CFAP299: variants seen among roughly 807,000 people sequenced by gnomAD.
CFAP299 encodes the protein cilia and flagella associated protein 299.
CFAP299 carries 21 observed loss-of-function variants against 27.0 expected under a neutral mutation model. The ratio of observed to expected loss-of-function variants is 0.78; its 90% CI spans 0.55 to 1.12. The LOEUF (loss-of-function observed/expected upper bound fraction) is 1.12, where lower values mean the gene tolerates loss of function less well. Ranked by LOEUF, CFAP299 falls within the 50% of genes most tolerant of loss-of-function variation. The pLI, the probability that CFAP299 is intolerant of heterozygous loss-of-function variation, is 0.00. For missense variants in CFAP299, 310 were observed against 276.6 expected, an observed-to-expected ratio of 1.12 and a Z score of -0.86; for synonymous variants, 104 against 98.1, an observed-to-expected ratio of 1.06 and a Z score of -0.36.
intron 1 of CFAP299, among the ~76,000 whole-genome samples, chr4:80,337,048 C>A (rs1178493694): frequency 6.6e-6 from 1 of 152,116 alleles, no homozygotes; most frequent in Non-Finnish European, 1.5e-5. Context: ...CAATATAGCT[C>A]CTGGCTTCAA....
At chr4:80,385,224 T>A (rs1200250134) in intron 2 of CFAP299, among the ~76,000 whole-genome samples, 1 of 152,166 alleles carries the variant, frequency 6.6e-6, no homozygotes, top group African/African-American at 2.4e-5. Flanking sequence ...CTTTACACCT[T>A]CACCAATGTC....
At chr4:80,691,935 C>G (rs1273597367) in intron 3 of CFAP299, among the ~76,000 whole-genome samples, 1 of 152,084 alleles carries the variant, frequency 6.6e-6, no homozygotes, top group East Asian at 1.9e-4. Flanking sequence ...GAGTGAACTT[C>G]CATTCACAAT....
intron 3 of CFAP299, among the ~76,000 whole-genome samples, chr4:80,633,387 C>T (rs780932231): frequency 1.3e-5 from 2 of 151,936 alleles, no homozygotes; most frequent in East Asian, 3.9e-4. Context: ...TGGAGTGAGC[C>T]GAGTGTCACG....
intron 3 of CFAP299, among the ~76,000 whole-genome samples, chr4:80,763,459 A>G (rs1725655838): frequency 6.6e-6 from 1 of 152,192 alleles, no homozygotes; most frequent in South Asian, 2.1e-4. Context: ...AAGAGAGGAC[A>G]TAAACAAATG....
At chr4:80,745,006 T>A (rs553877524) in intron 3 of CFAP299, among the ~76,000 whole-genome samples, 48 of 152,202 alleles carry the variant, frequency 3.2e-4, no homozygotes, top group South Asian at 1.7e-3. Flanking sequence ...CAAAAAAAAA[T>A]TTCTAATCTA....
intron 3 of CFAP299, among the ~76,000 whole-genome samples, chr4:80,734,110 C>T (rs921441671): frequency 5.3e-5 from 8 of 152,094 alleles, no homozygotes; most frequent in Non-Finnish European, 7.4e-5. Context: ...TCCTTTTCTC[C>T]ACATCCTCAC....
intron 2 of CFAP299, among the ~76,000 whole-genome samples, chr4:80,462,593 T>A (rs934944523): frequency 5.3e-5 from 8 of 152,136 alleles, no homozygotes; most frequent in African/African-American, 1.9e-4. Context: ...TCTATTTGCC[T>A]ATTAATTGCT....
At chr4:80,780,424 T>C (rs911179746) in intron 3 of CFAP299, among the ~76,000 whole-genome samples, 1 of 152,146 alleles carries the variant, frequency 6.6e-6, no homozygotes, top group African/African-American at 2.4e-5. Flanking sequence ...TGTATTCCCA[T>C]AGCAATTAGC....
chr4:80,667,175 G>T (rs190026696), intron 3 of CFAP299, among the ~76,000 whole-genome samples: 2 of 151,898 alleles, frequency 1.3e-5, no homozygotes, highest in East Asian at 3.9e-4. Flanking sequence ...TGAATTATTT[G>T]TTTTTTTATG....
chr4:80,516,552 A>G (rs1732597602), intron 2 of CFAP299, among the ~76,000 whole-genome samples: 1 of 152,028 alleles, frequency 6.6e-6, no homozygotes, highest in Admixed American at 6.6e-5. Context: ...TCTTTCAAAC[A>G]ACATATCTCA....
intron 3 of CFAP299, among the ~76,000 whole-genome samples, chr4:80,815,829 G>T (rs902909764): frequency 2.6e-5 from 4 of 151,888 alleles, no homozygotes; most frequent in African/African-American, 9.7e-5. Flanking sequence ...TAAGTAAAGG[G>T]CTAGAAATAG....
At chr4:80,417,749 A>G (rs1727085820) in intron 2 of CFAP299, among the ~76,000 whole-genome samples, 2 of 152,080 alleles carry the variant, frequency 1.3e-5, no homozygotes, top group African/African-American at 4.8e-5. Context: ...CCACTATTCT[A>G]TGGCTTCCAC....
At chr4:80,472,314 T>C (rs1281130357) in intron 2 of CFAP299, among the ~76,000 whole-genome samples, 2 of 152,186 alleles carry the variant, frequency 1.3e-5, no homozygotes, top group African/African-American at 4.8e-5. Context: ...CAGGTACATA[T>C]ATTAGAGTGA....
chr4:80,654,784 C>CTTT (rs369680550), intron 3 of CFAP299, among the ~76,000 whole-genome samples: 5,121 of 126,706 alleles, frequency 0.04, 216 homozygotes, highest in East Asian at 0.21. Context: ...TAATTTTTAA[C>CTTT]TTTTTTTTTT....
chr4:80,669,980 GA>G (rs111592229), intron 3 of CFAP299, among the ~76,000 whole-genome samples: 1 of 151,246 alleles, frequency 6.6e-6, no homozygotes, highest in African/African-American at 2.4e-5. Context: ...GAATTTTATG[GA>G]ATTTTTTTTC....
chr4:80,388,363 A>C, intron 2 of CFAP299: 1 of 681,064 alleles, frequency 1.5e-6, no homozygotes, highest in South Asian at 1.6e-5. Context: ...TGATGTATGT[A>C]GAGATCTGGC....
At chr4:80,903,584 T>C (rs558320009) in intron 4 of CFAP299, among the ~76,000 whole-genome samples, 2 of 152,178 alleles carry the variant, frequency 1.3e-5, no homozygotes, top group African/African-American at 4.8e-5. Context: ...GTCCTACTAG[T>C]ATTCCTTTAT....
chr4:80,631,720 T>C lies in CFAP299; in HGVS notation c.333+48537T>C, dbSNP rs537167498. 2.4e-3 allele frequency among the ~76,000 whole-genome samples: 369 copies of C among 152,268 alleles called. 2 individuals are homozygous for C. Among genetic ancestry groups the C allele is most frequent in the Non-Finnish European group, 4.0e-3 (272 of 67,994 alleles). On this transcript the variant is annotated intron_variant, in intron 3 of 5. Transcript: ENST00000358105. ...TTTTCTTTCAAATACTTTTTCTTTTTAATCTATGTCATCATGTTTTGTGAT... is the reference window on the plus strand; with the variant it reads ...TTTTCTTTCAAATACTTTTTCTTTTCAATCTATGTCATCATGTTTTGTGAT...
chr4:80,842,817 T>C (rs1034260817), intron 3 of CFAP299, among the ~76,000 whole-genome samples: 4 of 152,158 alleles, frequency 2.6e-5, no homozygotes, highest in Non-Finnish European at 5.9e-5. Context: ...TCCTTCAGAC[T>C]CTTTGCAGCT....
Sources: gnomAD v4.1 joint callset for allele counts (sites outside exome capture counted in the v4.1 genomes callset) on GRCh38, gnomAD v4.1.1 for gene constraint, MANE v1.5 for transcripts, NCBI Gene and HGNC (gene_info 2026-07-23, HGNC 2026-07-21) for gene names.